The following PLEKHM3 variants were observed in gnomAD, a reference collection of about 807,000 sequenced individuals.
PLEKHM3 encodes the protein pleckstrin homology domain-containing family M member 3.
In PLEKHM3, 45 loss-of-function variants were observed where a neutral mutation model predicts 81.8. The observed-to-expected ratio is 0.55, with a 90% CI of 0.43 to 0.71. PLEKHM3 has a LOEUF of 0.71. Among genes scored for constraint, PLEKHM3 ranks in the 30% least tolerant of loss-of-function variants. PLEKHM3 has a pLI of 0.00. For synonymous variants in PLEKHM3, 352 were observed against 356.4 expected (o/e 0.99, Z 0.14); for missense variants, 788 against 924.3 (o/e 0.85, Z 1.91).
chr2:207,929,969 T>A (rs1309899497), intron 5 of PLEKHM3: 1 of 692,330 alleles, frequency 1.4e-6, no homozygotes, highest in African/African-American at 1.8e-5. Context: ...TAAAAGGTAT[T>A]TTTAGAGACT....
At chr2:208,005,294 T>C (rs1692461430) in intron 1 of PLEKHM3, among the ~76,000 whole-genome samples, 1 of 152,218 alleles carries the variant, frequency 6.6e-6, no homozygotes, top group South Asian at 2.1e-4. Flanking sequence ...TTTTTCAGAA[T>C]TCTTCATATT....
At chr2:207,974,595 C>T (rs532745811) in intron 3 of PLEKHM3, among the ~76,000 whole-genome samples, 1 of 152,304 alleles carries the variant, frequency 6.6e-6, no homozygotes, top group African/African-American at 2.4e-5. Context: ...TCTAAAGCCA[C>T]GGAAGTGTAC....
chr2:207,871,810 T>C (rs1246962371), intron 6 of PLEKHM3, among the ~76,000 whole-genome samples: 1 of 152,180 alleles, frequency 6.6e-6, no homozygotes, highest in Non-Finnish European at 1.5e-5. Flanking sequence ...TGTGTTTTAT[T>C]TATGAGGAAA....
chr2:207,957,192 A>G (rs1189939240), intron 3 of PLEKHM3, among the ~76,000 whole-genome samples: 1 of 152,244 alleles, frequency 6.6e-6, no homozygotes, highest in Non-Finnish European at 1.5e-5. Context: ...AGTTCAAAAA[A>G]TTTGAGCTAC....
chr2:207,890,095 G>A (rs946900917), intron 6 of PLEKHM3, among the ~76,000 whole-genome samples: 7 of 152,020 alleles, frequency 4.6e-5, no homozygotes, highest in East Asian at 1.9e-4. Flanking sequence ...GTGAGCCACC[G>A]TCCCCTGCCT....
chr2:207,931,607 G>A (rs923193149), intron 4 of PLEKHM3, among the ~76,000 whole-genome samples: 14 of 152,186 alleles, frequency 9.2e-5, no homozygotes, highest in African/African-American at 2.7e-4. Flanking sequence ...TTTTAAAAAC[G>A]TCATAAATTT....
chr2:208,019,877 T>C (rs1029801041), intron 1 of PLEKHM3: 3 of 152,250 alleles, frequency 2.0e-5, no homozygotes, highest in African/African-American at 7.2e-5. Context: ...AAGTGCTCAA[T>C]CCTTACTTGC....
chr2:207,945,192 G>C (rs1000169407), intron 4 of PLEKHM3, among the ~76,000 whole-genome samples: 5 of 152,192 alleles, frequency 3.3e-5, no homozygotes, highest in African/African-American at 1.2e-4. Flanking sequence ...CACGTGGCTT[G>C]TCAGACACCC....
intron 5 of PLEKHM3, among the ~76,000 whole-genome samples, chr2:207,925,146 TG>T (rs68125055): frequency 0.19 from 28,532 of 148,110 alleles, 2,992 homozygotes; most frequent in Middle Eastern, 0.29. Flanking sequence ...TTTTGTTTTT[TG>T]TTTTTTTTTT....
At chr2:207,834,503 G>A (rs1253891120) in intron 7 of PLEKHM3, among the ~76,000 whole-genome samples, 1 of 143,536 alleles carries the variant, frequency 7.0e-6, no homozygotes, top group Non-Finnish European at 1.5e-5. Flanking sequence ...TCGGCTCACC[G>A]CAACCTCCAC....
chr2:207,828,399 AC>A lies in PLEKHM3; in HGVS notation c.2205del (p.Lys735AsnfsTer7). The A allele has an allele frequency of 6.2e-7, 1 of 1,614,030 alleles. No homozygotes were observed. The highest frequency in any genetic ancestry group is 1.1e-5 in the South Asian group (1 of 91,064). The part of the protein sequence containing the change: ...CVRRELQKKQ[K>X]SFWQRLNMDE... Reference sequence around the variant, plus strand: ...TCCATGTTCAGTCTCTGCCAGAAAGACTTCTGCTTCTTCTGCAGCTCTCGGC... The same window carrying A: ...TCCATGTTCAGTCTCTGCCAGAAAGATTCTGCTTCTTCTGCAGCTCTCGGC... On this transcript the variant is annotated frameshift_variant, in exon 8 of 8. Transcript: ENST00000427836. LOFTEE classifies it high-confidence loss of function.
intron 6 of PLEKHM3, among the ~76,000 whole-genome samples, chr2:207,875,169 T>C (rs948685296): frequency 8.5e-5 from 13 of 152,076 alleles, no homozygotes; most frequent in African/African-American, 3.1e-4. Context: ...ATGAAAAAAG[T>C]GTCAATTTCC....
At chr2:207,973,971 C>T (rs1022362212) in intron 3 of PLEKHM3, among the ~76,000 whole-genome samples, 1 of 152,078 alleles carries the variant, frequency 6.6e-6, no homozygotes, top group Non-Finnish European at 1.5e-5. Flanking sequence ...CTCTCTGCCC[C>T]GTTCGTTAAA....
intron 6 of PLEKHM3, 115 bp downstream of exon 6, chr2:207,908,399 G>C (rs1187905051): frequency 1.1e-6 from 1 of 938,250 alleles, no homozygotes; most frequent in East Asian, 2.6e-5. Context: ...AGAATTATCA[G>C]GGTTTCTGAT....
intron 4 of PLEKHM3, among the ~76,000 whole-genome samples, chr2:207,935,064 A>G (rs1689704602): frequency 6.6e-6 from 1 of 152,240 alleles, no homozygotes; most frequent in African/African-American, 2.4e-5. Context: ...GTATCAGAAT[A>G]AAACACGAAT....
chr2:207,985,196 T>C (rs536285787), intron 2 of PLEKHM3, among the ~76,000 whole-genome samples: 3 of 151,808 alleles, frequency 2.0e-5, no homozygotes, highest in African/African-American at 7.2e-5. Flanking sequence ...CTGACCTTCA[T>C]GCATTTTTCT....
chr2:207,901,316 C>G, intron 6 of PLEKHM3: 1 of 703,012 alleles, frequency 1.4e-6, no homozygotes. Flanking sequence ...GTCTGCAGAA[C>G]AGAAAAGTCA....
At chr2:207,977,638 C>A in intron 2 of PLEKHM3, 52 bp from the exon 3 acceptor site, 1 of 1,483,998 alleles carries the variant, frequency 6.7e-7, no homozygotes, top group Non-Finnish European at 9.1e-7. Context: ...TATAAGAAGG[C>A]AGGCACAAGA....
chr2:207,894,641 G>C (rs881545), intron 6 of PLEKHM3, among the ~76,000 whole-genome samples: 49,078 of 151,834 alleles, frequency 0.32, 8,122 homozygotes, highest in Middle Eastern at 0.37. Flanking sequence ...GAGAATGTGA[G>C]TGCTGGGAGA....
Sources: gnomAD v4.1 joint callset for allele counts (sites outside exome capture counted in the v4.1 genomes callset) on GRCh38, gnomAD v4.1.1 for gene constraint, MANE v1.5 for transcripts, NCBI Gene and HGNC (gene_info 2026-07-23, HGNC 2026-07-21) for gene names.